PODXL2: variants seen among roughly 807,000 people sequenced by gnomAD.
PODXL2 encodes the protein podocalyxin like 2.
Under a neutral mutation model 53.4 loss-of-function variants are expected in PODXL2, and 17 were observed. The ratio of observed to expected loss-of-function variants is 0.32; its 90% CI spans 0.22 to 0.48. The LOEUF is 0.48. PODXL2 is among the 20% of genes least tolerant of loss of function. The probability of loss-of-function intolerance (pLI) is 0.99; values close to 1 mark genes in which losing one functional copy is unlikely to be tolerated. For synonymous variants in PODXL2, 311 were observed against 306.7 expected, an observed-to-expected ratio of 1.01 and a Z score of -0.15; for missense variants, 673 against 760.0, an observed-to-expected ratio of 0.89 and a Z score of 1.35.
At chr3:127,642,200 G>GA (rs776050693) in intron 2 of PODXL2, among the ~76,000 whole-genome samples, 2 of 151,346 alleles carry the variant, frequency 1.3e-5, no homozygotes, top group Non-Finnish European at 2.9e-5. Context: ...TGAGGCAGGA[G>GA]AGTTGCTTGA....
In PODXL2 at chr3:127,672,559, C is replaced by T; in HGVS notation, c.*79C>T. On this transcript the variant is annotated 3_prime_UTR_variant, in exon 8 of 8. Transcript: ENST00000342480. Reference sequence around the variant, plus strand: ...CGAAACGGACGGCCCGGAGCCCGCACCAGCCCCGCGCCTACCCGGGCCGCC... The same window carrying T: ...CGAAACGGACGGCCCGGAGCCCGCATCAGCCCCGCGCCTACCCGGGCCGCC... 1.0e-6 allele frequency: 1 copy of T among 970,526 alleles called. No homozygotes were observed. The highest frequency in any genetic ancestry group is 3.2e-5 in the East Asian group (1 of 31,202). The allele number at this position is 970,526 out of a possible 1,614,324, so 60.1% of individuals were successfully genotyped here.
intron 2 of PODXL2, among the ~76,000 whole-genome samples, chr3:127,647,266 T>C (rs2074662455): frequency 6.6e-6 from 1 of 152,154 alleles, no homozygotes. Flanking sequence ...GAATTGCTGC[T>C]CCACCAGCTA....
At chr3:127,669,271 C>T in intron 6 of PODXL2, 69 bp downstream of exon 6, 1 of 1,100,328 alleles carries the variant, frequency 9.1e-7, no homozygotes, top group Non-Finnish European at 1.4e-6. Flanking sequence ...CCTCAAAGTC[C>T]CAGGAGTCTG....
Position 127,672,504 on chromosome 3 carries a change from T to C in PODXL2, c.*24T>C. The C allele has an allele frequency of 1.4e-6, 2 of 1,425,612 alleles. No homozygotes were observed. Among genetic ancestry groups the C allele is most frequent in the Non-Finnish European group, 1.9e-6 (2 of 1,076,402 alleles). 88.3% of individuals were successfully genotyped at this position (1,425,612 alleles called of 1,614,324 possible). A position where few individuals can be genotyped will look rare whatever the true frequency, so the allele number is the denominator to read the frequency against. ...GAGCGCAGCCGAGGCGCAGGCCGAGTGGGCCGCCAGGACCAAGCGAGGTGG... is the reference window on the plus strand; with the variant it reads ...GAGCGCAGCCGAGGCGCAGGCCGAGCGGGCCGCCAGGACCAAGCGAGGTGG... On this transcript the variant is annotated 3_prime_UTR_variant, in exon 8 of 8. Coordinates refer to ENST00000342480, the MANE Select transcript of PODXL2 (RefSeq NM_015720.4).
At chr3:127,641,399 GGGTCTTGCTATGTTGCCCAGGCT>G (rs1410169087) in intron 2 of PODXL2, among the ~76,000 whole-genome samples, 2 of 150,800 alleles carry the variant, frequency 1.3e-5, no homozygotes, top group Non-Finnish European at 3.0e-5. Context: ...TGTAGTGATG[GGGTCTTGCTATGTTGCCCAGGCT>G]GGTCTTGAAC....
At chr3:127,636,979 C>T (rs930209392) in intron 1 of PODXL2, among the ~76,000 whole-genome samples, 2 of 152,172 alleles carry the variant, frequency 1.3e-5, no homozygotes, top group Non-Finnish European at 2.9e-5. Flanking sequence ...CGTGTGCCAC[C>T]ATGCCCAGCT....
At chr3:127,639,670 A>G (rs2074602113) in intron 2 of PODXL2, 147 bp downstream of exon 2, 1 of 780,336 alleles carries the variant, frequency 1.3e-6, no homozygotes. Flanking sequence ...ACATCAGAGC[A>G]AAGGCTCTGG....
chr3:127,668,018 A>G (rs2074804748), intron 4 of PODXL2, among the ~76,000 whole-genome samples: 2 of 152,030 alleles, frequency 1.3e-5, no homozygotes, highest in South Asian at 4.1e-4. Flanking sequence ...CATGCACTTG[A>G]GCACTAGGCA....
chr3:127,661,274 T>C, intron 3 of PODXL2, 115 bp downstream of exon 3: 1 of 737,610 alleles, frequency 1.4e-6, no homozygotes, highest in East Asian at 2.7e-5. Flanking sequence ...GGAGGCCCTT[T>C]CCACAGCACG....
chr3:127,662,089 C>G (rs766103186), intron 3 of PODXL2, 148 bp from the exon 4 acceptor site: 2 of 644,022 alleles, frequency 3.1e-6, no homozygotes, highest in Non-Finnish European at 5.6e-6. Flanking sequence ...TGGTGCCTCA[C>G]AGAGGCTGTC....
intron 4 of PODXL2, among the ~76,000 whole-genome samples, chr3:127,666,251 T>A (rs2074794459): frequency 6.6e-6 from 1 of 152,184 alleles, no homozygotes; most frequent in African/African-American, 2.4e-5. Flanking sequence ...GATATCCAGT[T>A]GTCCCAGCAC....
Position 127,668,425 on chromosome 3 carries a change from C to G in PODXL2, c.1207-16C>G, listed in dbSNP as rs777472207. ...TTTCCTTCACTGAACACGGGGGGCT[C>G]TTTCTGCCCTTGTAGGAGGTGTTCC... On this transcript the variant is annotated splice_polypyrimidine_tract_variant and intron_variant, in intron 4 of 7. Coordinates refer to ENST00000342480, the MANE Select transcript of PODXL2 (RefSeq NM_015720.4). 1.3e-6 allele frequency: 2 copies of G among 1,513,368 alleles called. No individual in the cohort carries two copies. The highest frequency in any genetic ancestry group is 2.7e-5 in the South Asian group (2 of 74,498). 93.7% of individuals were successfully genotyped at this position (1,513,368 alleles called of 1,614,324 possible).
intron 4 of PODXL2, among the ~76,000 whole-genome samples, chr3:127,664,063 A>G (rs2074782190): frequency 6.6e-6 from 1 of 152,156 alleles, no homozygotes; most frequent in Non-Finnish European, 1.5e-5. Flanking sequence ...TGTTAAGTAT[A>G]TGCACATTGT....
At chr3:127,668,101 CGTGTGT>C (rs55716588) in intron 4 of PODXL2, among the ~76,000 whole-genome samples, 19,191 of 145,672 alleles carry the variant, frequency 0.13, 1,278 homozygotes, top group Non-Finnish European at 0.15. Flanking sequence ...TACATGGCTG[CGTGTGT>C]GTGTGTGTGT....
chr3:127,639,554 G>T, intron 2 of PODXL2, 31 bp downstream of exon 2: 1 of 1,574,428 alleles, frequency 6.4e-7, no homozygotes, highest in South Asian at 1.2e-5. Context: ...AGCATGTGTT[G>T]AGTGCCAGCC....
chr3:127,654,706 G>A (rs920623943), intron 2 of PODXL2, among the ~76,000 whole-genome samples: 3 of 152,162 alleles, frequency 2.0e-5, no homozygotes, highest in Admixed American at 1.3e-4. Context: ...AAAAACTCAA[G>A]TGCTTATCCT....
Position 127,661,438 on chromosome 3 carries a change from GT to G in PODXL2, c.1131+291del, listed in dbSNP as rs753999242. 4.1e-3 allele frequency among the ~76,000 whole-genome samples: 593 copies of G among 145,178 alleles called. 2 individuals carry two copies. The highest frequency in any genetic ancestry group is 0.013 in the African/African-American group (529 of 39,810). On this transcript the variant is annotated intron_variant, in intron 3 of 7. Coordinates refer to ENST00000342480, the MANE Select transcript of PODXL2 (RefSeq NM_015720.4). ...CCATTGCCACCCTTAGACATCTTTTGTTTTTTTTTTTTCCCGAGATGGAGTC... is the reference window on the plus strand; with the variant it reads ...CCATTGCCACCCTTAGACATCTTTTGTTTTTTTTTTTCCCGAGATGGAGTC...
Position 127,671,589 on chromosome 3 carries a change from C to A in PODXL2, c.1581C>A (p.Arg527=). Reference sequence around the variant, plus strand: ...GCCTGCTCTACAACTGCTGGCAGCGCCGGCTGCCCAAGCTCAAGCACGTGG... The same window carrying A: ...GCCTGCTCTACAACTGCTGGCAGCGACGGCTGCCCAAGCTCAAGCACGTGG... ...ALGLLYNCWQ[R]RLPKLKHVSH... The change falls in exon 7 of 8, where the codon CGC becomes CGA. Residue 527 remains arginine (R), a synonymous_variant. Transcript: ENST00000342480. 6.2e-7 allele frequency: 1 copy of A among 1,613,780 alleles called. No homozygotes were observed. Among genetic ancestry groups the A allele is most frequent in the Non-Finnish European group, 8.5e-7 (1 of 1,180,002 alleles).
At chr3:127,640,679 C>T (rs529746241) in intron 2 of PODXL2, among the ~76,000 whole-genome samples, 17 of 149,614 alleles carry the variant, frequency 1.1e-4, no homozygotes, top group South Asian at 2.1e-4. Context: ...CCAGCCTGGG[C>T]GACAAGAACA....
Sources: gnomAD v4.1 joint callset for allele counts (sites outside exome capture counted in the v4.1 genomes callset) on GRCh38, gnomAD v4.1.1 for gene constraint, MANE v1.5 for transcripts, NCBI Gene and HGNC (gene_info 2026-07-23, HGNC 2026-07-21) for gene names.